TMEM135: variants seen among roughly 807,000 people sequenced by gnomAD.
TMEM135 encodes the protein transmembrane protein 135.
Under a neutral mutation model 60.3 loss-of-function variants are expected in TMEM135, and 30 were observed. That is an observed-to-expected ratio of 0.50 (90% CI 0.37 to 0.68). The LOEUF is 0.68. TMEM135 is among the 30% of genes least tolerant of loss of function. The pLI is 0.00. For missense variants in TMEM135, 468 were observed against 548.8 expected, an observed-to-expected ratio of 0.85 and a Z score of 1.47; for synonymous variants, 190 against 186.7, an observed-to-expected ratio of 1.02 and a Z score of -0.14.
chr11:87,105,001 C>G (rs1282404314), intron 4 of TMEM135, among the ~76,000 whole-genome samples: 4 of 152,144 alleles, frequency 2.6e-5, no homozygotes, highest in African/African-American at 9.7e-5. Flanking sequence ...TTTTCCTCAT[C>G]TTAGAGACTG....
In TMEM135 at chr11:87,324,601, AT is replaced by A. The variant is rs754905361; in HGVS notation, c.*3278del. 1,491 of 390,182 alleles carry A rather than the reference AT, an allele frequency of 3.8e-3. 5 individuals carry two copies. Among genetic ancestry groups the A allele is most frequent in the African/African-American group, 0.012 (578 of 46,456 alleles). The allele number at this position is 390,182 out of a possible 1,614,324, so 24.2% of individuals were successfully genotyped here. ...TGCCTGGCTAATATTTATTTTATTTATTTTTTTTTTGTAGAAACAAGGTGTT... is the reference window on the plus strand; with the variant it reads ...TGCCTGGCTAATATTTATTTTATTTATTTTTTTTTGTAGAAACAAGGTGTT... On this transcript the variant is annotated 3_prime_UTR_variant, in exon 15 of 15. Coordinates refer to ENST00000305494, the MANE Select transcript of TMEM135 (RefSeq NM_022918.4).
intron 5 of TMEM135, among the ~76,000 whole-genome samples, chr11:87,204,896 T>C (rs1223705349): frequency 1.3e-5 from 2 of 152,212 alleles, no homozygotes; most frequent in Non-Finnish European, 2.9e-5. Flanking sequence ...ACTATTCTTT[T>C]CTTTAATTAT....
chr11:87,206,946 TA>T (rs1483965610), intron 5 of TMEM135, among the ~76,000 whole-genome samples: 5 of 151,926 alleles, frequency 3.3e-5, no homozygotes, highest in African/African-American at 7.3e-5. Context: ...AGAGTAAGAT[TA>T]AAAAAAATTA....
chr11:87,058,857 T>C (rs1460861319), intron 1 of TMEM135, among the ~76,000 whole-genome samples: 2 of 152,032 alleles, frequency 1.3e-5, no homozygotes, highest in Non-Finnish European at 2.9e-5. Context: ...CCTGACCTCA[T>C]GATCTGCCTG....
chr11:87,072,625 C>T lies in TMEM135; in HGVS notation c.362+1010C>T, dbSNP rs1029245369. 5.9e-5 allele frequency among the ~76,000 whole-genome samples: 9 copies of T among 152,170 alleles called. No individual in the cohort carries two copies. The East Asian group carries it at 9.7e-4, about 16-fold the overall frequency. On this transcript the variant is annotated intron_variant, in intron 3 of 14. Transcript: ENST00000305494. ...CTCAAACTCCTGACCTTGTGATCCG[C>T]CCGCCTTGGCCTCCCAAAGTGCTAG...
intron 4 of TMEM135, among the ~76,000 whole-genome samples, chr11:87,133,318 C>T (rs1034181182): frequency 2.0e-5 from 3 of 152,136 alleles, no homozygotes; most frequent in Non-Finnish European, 2.9e-5. Context: ...TATACACCCA[C>T]GTAACCATCA....
chr11:87,281,341 C>G (rs1425802120), intron 6 of TMEM135, among the ~76,000 whole-genome samples: 1 of 152,112 alleles, frequency 6.6e-6, no homozygotes, highest in African/African-American at 2.4e-5. Flanking sequence ...TCTTGAGTTA[C>G]TCATGTACTA....
At chr11:87,115,700 A>G (rs978744000) in intron 4 of TMEM135, among the ~76,000 whole-genome samples, 8 of 152,104 alleles carry the variant, frequency 5.3e-5, no homozygotes, top group African/African-American at 1.9e-4. Flanking sequence ...GAGTATTTGT[A>G]TGAGAATTTA....
chr11:87,102,285 A>G (rs1170196004), intron 4 of TMEM135, among the ~76,000 whole-genome samples: 2 of 152,120 alleles, frequency 1.3e-5, no homozygotes, highest in Non-Finnish European at 2.9e-5. Flanking sequence ...AGTTCAGCTA[A>G]TTTACCAGAG....
intron 6 of TMEM135, among the ~76,000 whole-genome samples, chr11:87,283,004 G>A (rs1349441839): frequency 6.6e-6 from 1 of 152,012 alleles, no homozygotes; most frequent in Non-Finnish European, 1.5e-5. Context: ...TCTCTTTCTT[G>A]GGGGTCAGGA....
In TMEM135 at chr11:87,278,334, T is replaced by C. The variant is rs149342982; in HGVS notation, c.510-17448T>C. Among the ~76,000 whole-genome samples the C allele has an allele frequency of 7.9e-5, 12 of 152,262 alleles. No homozygotes were observed. In the East Asian group the frequency reaches 2.3e-3, roughly 29 times the overall value. ...ATACATTTGTAATCTCTAAAATATA[T>C]AATTTTTTACCTCTAGTTCTGTTAC... On this transcript the variant is annotated intron_variant, in intron 6 of 14. Coordinates refer to ENST00000305494, the MANE Select transcript of TMEM135 (RefSeq NM_022918.4).
intron 4 of TMEM135, among the ~76,000 whole-genome samples, chr11:87,098,945 C>A (rs1231400781): frequency 6.6e-6 from 1 of 152,132 alleles, no homozygotes; most frequent in Non-Finnish European, 1.5e-5. Flanking sequence ...GCCTCGGCCT[C>A]CCAAAGTGCT....
chr11:87,157,690 GA>G (rs5793242), intron 5 of TMEM135: 115,571 of 319,814 alleles, frequency 0.36, 22,010 homozygotes, highest in East Asian at 0.66. Flanking sequence ...TGTTTGTAAT[GA>G]AAAAAAGAAT....
chr11:87,071,285 C>T (rs1464143308), intron 2 of TMEM135, among the ~76,000 whole-genome samples: 1 of 152,056 alleles, frequency 6.6e-6, no homozygotes, highest in Non-Finnish European at 1.5e-5. Flanking sequence ...GAGGATGACG[C>T]CTGTCAAACA....
chr11:87,209,282 C>T (rs1165138723), intron 5 of TMEM135, among the ~76,000 whole-genome samples: 1 of 152,150 alleles, frequency 6.6e-6, no homozygotes, highest in African/African-American at 2.4e-5. Flanking sequence ...CCAAGACCCA[C>T]CTGTCTACTT....
chr11:87,167,409 G>A (rs1001708091), intron 5 of TMEM135, among the ~76,000 whole-genome samples: 8 of 152,092 alleles, frequency 5.3e-5, no homozygotes, highest in Admixed American at 2.6e-4. Flanking sequence ...AATGCTTCCA[G>A]CTTTTGCCCA....
At chr11:87,073,056 A>G (rs1856800861) in intron 3 of TMEM135, among the ~76,000 whole-genome samples, 1 of 151,988 alleles carries the variant, frequency 6.6e-6, no homozygotes, top group Non-Finnish European at 1.5e-5. Flanking sequence ...TATTTTTTTG[A>G]GGTGGAGTCT....
rs559383771 is a variant in TMEM135, at chr11:87,289,645, C to T, written c.510-6137C>T. ...CTAATTTTTTTATTTTTGTTAGAGA[C>T]GGGTTTCACCATGTTGGCCAGGCTG... On this transcript the variant is annotated intron_variant, in intron 6 of 14. Transcript: ENST00000305494. Among the ~76,000 whole-genome samples, 8 of 151,750 alleles carry T rather than the reference C, an allele frequency of 5.3e-5. No homozygotes were observed. In the South Asian group the frequency reaches 6.3e-4, roughly 12 times the overall value.
intron 4 of TMEM135, among the ~76,000 whole-genome samples, chr11:87,102,716 A>ATATATATATG (rs1857488368): frequency 1.3e-5 from 1 of 78,720 alleles, no homozygotes; most frequent in Non-Finnish European, 2.3e-5. Flanking sequence ...ATATATATGT[A>ATATATATATG]TATATATATA....
Sources: allele counts gnomAD v4.1 joint callset (sites outside exome capture counted in the v4.1 genomes callset), GRCh38; gene constraint gnomAD v4.1.1; transcripts MANE v1.5; gene names NCBI Gene and HGNC (gene_info 2026-07-23, HGNC 2026-07-21).